FKBP5: variants seen among roughly 807,000 people sequenced by gnomAD.
FKBP5 encodes the protein FKBP prolyl isomerase 5.
Under a neutral mutation model 50.5 loss-of-function variants are expected in FKBP5, and 23 were observed. The observed-to-expected ratio is 0.46, with a 90% CI of 0.33 to 0.65. The LOEUF is 0.65. Among genes scored for constraint, FKBP5 ranks in the 30% least tolerant of loss-of-function variants. The pLI is 0.02. For synonymous variants in FKBP5, 176 were observed against 190.6 expected, an observed-to-expected ratio of 0.92 and a Z score of 0.63; for missense variants, 411 against 553.1, an observed-to-expected ratio of 0.74 and a Z score of 2.58.
intron 3 of FKBP5, among the ~76,000 whole-genome samples, chr6:35,634,249 G>T (rs1157369367): frequency 6.6e-6 from 1 of 152,140 alleles, no homozygotes; most frequent in Non-Finnish European, 1.5e-5. Flanking sequence ...GACAAGGTCA[G>T]TCACTCTTAG....
chr6:35,684,912 G>A (rs1765780047), intron 1 of FKBP5, among the ~76,000 whole-genome samples: 3 of 152,192 alleles, frequency 2.0e-5, no homozygotes, highest in South Asian at 2.1e-4. Context: ...GTGTGTGCCT[G>A]TAACCCCAGC....
intron 3 of FKBP5, 107 bp downstream of exon 3, chr6:35,636,907 T>G: frequency 9.9e-7 from 1 of 1,014,952 alleles, no homozygotes; most frequent in African/African-American, 1.7e-5. Context: ...TGAGTACTAC[T>G]ACTCTAAAAT....
chr6:35,711,644 G>C lies in FKBP5; in HGVS notation c.-20+8684C>G, dbSNP rs56224717. ...AAAAAAAGGAGAGGAGAGGAGAGGA[G>C]AGGAAAGGAAAGAAAGAAAAGAAAA... is the stretch of plus-strand genomic sequence containing the variant. On this transcript the variant is annotated intron_variant, in intron 2 of 11. Transcript: ENST00000536438. 9.7e-4 allele frequency among the ~76,000 whole-genome samples: 147 copies of C among 151,096 alleles called. 1 individual carries two copies. In the East Asian group the frequency reaches 0.019, roughly 20 times the overall value.
chr6:35,663,197 G>T (rs1765118554), intron 1 of FKBP5, among the ~76,000 whole-genome samples: 1 of 152,148 alleles, frequency 6.6e-6, no homozygotes, highest in Admixed American at 6.5e-5. Flanking sequence ...GAGCTGAGGG[G>T]GAGGGCTTCT....
chr6:35,592,347 A>C (rs1325760810), intron 6 of FKBP5, among the ~76,000 whole-genome samples: 3 of 152,204 alleles, frequency 2.0e-5, no homozygotes, highest in Admixed American at 2.0e-4. Flanking sequence ...CCAGGAATAA[A>C]AATGCTTACT....
At chr6:35,612,899 G>A (rs1450450507) in intron 5 of FKBP5, among the ~76,000 whole-genome samples, 1 of 152,214 alleles carries the variant, frequency 6.6e-6, no homozygotes, top group Admixed American at 6.5e-5. Flanking sequence ...CAGCCAAACC[G>A]TTATCACTGT....
intron 1 of FKBP5, among the ~76,000 whole-genome samples, chr6:35,650,287 C>G (rs1581852259): frequency 9.9e-6 from 1 of 101,100 alleles, no homozygotes; most frequent in Admixed American, 1.3e-4. Flanking sequence ...GGCAACAGAG[C>G]AAGATATTGT....
chr6:35,700,373 C>A lies in FKBP5; in HGVS notation c.-20+19955G>T, dbSNP rs534657973. On this transcript the variant is annotated intron_variant, in intron 2 of 11. Transcript: ENST00000536438. ...CTTAAGGCTTAAGCCAGAAGTGGCA[C>A]AACATCACTACCACTATATTCTATT... is the stretch of plus-strand genomic sequence containing the variant. Among the ~76,000 whole-genome samples the A allele has an allele frequency of 3.3e-5, 5 of 152,206 alleles. No individual in the cohort carries two copies. The East Asian group carries it at 9.7e-4, about 30-fold the overall frequency.
intron 1 of FKBP5, among the ~76,000 whole-genome samples, chr6:35,728,167 C>T (rs1167526902): frequency 6.6e-6 from 1 of 152,242 alleles, no homozygotes. Flanking sequence ...CGAGAACAGC[C>T]TGACTCAGCA....
chr6:35,719,042 C>T (rs1454351852), intron 2 of FKBP5, among the ~76,000 whole-genome samples: 1 of 152,128 alleles, frequency 6.6e-6, no homozygotes, highest in African/African-American at 2.4e-5. Flanking sequence ...CTCCCCTTGC[C>T]CCCTCCCAAC....
intron 1 of FKBP5, among the ~76,000 whole-genome samples, chr6:35,685,411 TATG>T (rs1213639481): frequency 6.6e-6 from 1 of 152,244 alleles, no homozygotes; most frequent in Non-Finnish European, 1.5e-5. Context: ...CTTTTGGGGA[TATG>T]ATGTCAGAAT....
At chr6:35,678,688 T>C (rs1765588347) in intron 1 of FKBP5, among the ~76,000 whole-genome samples, 1 of 152,218 alleles carries the variant, frequency 6.6e-6, no homozygotes. Context: ...GTTTTTTATG[T>C]TTCTCTACTT....
At chr6:35,591,833 A>G (rs1374878778) in intron 6 of FKBP5, among the ~76,000 whole-genome samples, 1 of 152,218 alleles carries the variant, frequency 6.6e-6, no homozygotes, top group Admixed American at 6.5e-5. Context: ...ACTCAAAAAT[A>G]GCTGCCCTAG....
At chr6:35,690,929 C>A (rs1765975373), upstream of FKBP5, among the ~76,000 whole-genome samples, 1 of 151,172 alleles carries the variant, frequency 6.6e-6, no homozygotes, top group Non-Finnish European at 1.5e-5. Context: ...TCGCTTGAAC[C>A]CGGGAGGCGG....
At chr6:35,666,991 T>C (rs1292168747) in intron 1 of FKBP5, among the ~76,000 whole-genome samples, 1 of 150,212 alleles carries the variant, frequency 6.7e-6, no homozygotes, top group Non-Finnish European at 1.5e-5. Flanking sequence ...GAAGAAACAA[T>C]AAATTTTCAC....
intron 3 of FKBP5, among the ~76,000 whole-genome samples, chr6:35,625,274 AG>A (rs1444416005): frequency 6.6e-6 from 1 of 152,006 alleles, no homozygotes; most frequent in Non-Finnish European, 1.5e-5. Context: ...TGGTAGAGAC[AG>A]GGTTTCACCA....
At chr6:35,649,572 G>A (rs572497093) in intron 1 of FKBP5, among the ~76,000 whole-genome samples, 2 of 152,240 alleles carry the variant, frequency 1.3e-5, no homozygotes, top group South Asian at 4.1e-4. Flanking sequence ...TAAGAGAAAG[G>A]TAGCTTATTG....
intron 7 of FKBP5, among the ~76,000 whole-genome samples, chr6:35,588,743 A>G (rs7771727): frequency 0.86 from 130,500 of 151,230 alleles, 56,422 homozygotes; most frequent in African/African-American, 0.9. Context: ...TGGGACCACA[A>G]GCATGTGCCA....
chr6:35,658,331 G>C (rs543168872), intron 1 of FKBP5, among the ~76,000 whole-genome samples: 1 of 151,564 alleles, frequency 6.6e-6, no homozygotes, highest in East Asian at 1.9e-4. Context: ...AGCCGAGTTT[G>C]CGCCACTGCA....
Sources: gnomAD v4.1 joint callset for allele counts (sites outside exome capture counted in the v4.1 genomes callset) on GRCh38, gnomAD v4.1.1 for gene constraint, MANE v1.5 for transcripts, NCBI Gene and HGNC (gene_info 2026-07-23, HGNC 2026-07-21) for gene names.